Variants in LARS2 observed in about 807,000 individuals in gnomAD.
LARS2 encodes the protein leucyl-tRNA synthetase 2, mitochondrial.
LARS2 carries 81 observed loss-of-function variants against 116.6 expected under a neutral mutation model. That is an observed-to-expected ratio of 0.69 (90% CI 0.58 to 0.84). The LOEUF (loss-of-function observed/expected upper bound fraction) is 0.84. LARS2 is among the 40% of genes least tolerant of loss of function. The pLI, the probability that LARS2 is intolerant of heterozygous loss-of-function variation, is 0.00. For synonymous variants in LARS2, 396 were observed against 407.2 expected, an observed-to-expected ratio of 0.97 and a Z score of 0.33; for missense variants, 968 against 1,114.5, an observed-to-expected ratio of 0.87 and a Z score of 1.87.
chr3:45,403,955 A>T (rs1698195072), intron 4 of LARS2, among the ~76,000 whole-genome samples: 2 of 152,250 alleles, frequency 1.3e-5, no homozygotes, highest in African/African-American at 4.8e-5. Context: ...TGAGGATTAG[A>T]TGAGATAGTG....
intron 19 of LARS2, among the ~76,000 whole-genome samples, chr3:45,521,141 A>G (rs1575310930): frequency 6.6e-6 from 1 of 152,108 alleles, no homozygotes; most frequent in South Asian, 2.1e-4. Flanking sequence ...CATCTCTACT[A>G]AAAAATACAA....
rs753658244 is a variant in LARS2, at chr3:45,400,312, A to G, written c.302A>G (p.His101Arg). 5.0e-5 allele frequency: 80 copies of G among 1,613,936 alleles called. No individual in the cohort carries two copies. The highest frequency in any genetic ancestry group is 6.6e-5 in the Non-Finnish European group (78 of 1,179,952). Residue 101 changes from histidine (H) to arginine (R), a missense_variant, in exon 4 of 22, where the codon CAT (histidine) becomes CGT (arginine). By Grantham distance (29) the His-to-Arg change is conservative. Coordinates refer to ENST00000645846, the MANE Select transcript of LARS2 (RefSeq NM_015340.4). ...PYPSGKLHMG[H>R]VRVYTISDTI... is the part of the protein sequence containing the mutation. ...CCTTCTGGTAAGCTGCACATGGGCC[A>G]TGTGCGTGTCTACACCATCAGCGAC... is the stretch of plus-strand genomic sequence containing the variant.
intron 4 of LARS2, among the ~76,000 whole-genome samples, chr3:45,410,773 C>T (rs756482873): frequency 1.3e-5 from 2 of 152,234 alleles, no homozygotes; most frequent in Non-Finnish European, 2.9e-5. Context: ...TTCCGCCTTA[C>T]TCTGTACAAG....
At chr3:45,462,680 C>G (rs948100367) in intron 8 of LARS2, among the ~76,000 whole-genome samples, 1 of 152,124 alleles carries the variant, frequency 6.6e-6, no homozygotes, top group African/African-American at 2.4e-5. Context: ...AAGCTGTGCC[C>G]GCACAGTTAT....
At chr3:45,527,027 A>G (rs1190560676) in intron 20 of LARS2, among the ~76,000 whole-genome samples, 1 of 152,188 alleles carries the variant, frequency 6.6e-6, no homozygotes, top group East Asian at 1.9e-4. Context: ...TCTCAGATGC[A>G]TGCACTGTTT....
rs781314802 is a variant in LARS2 at position 45,509,181 on chromosome 3, C to T, written c.1761-3954C>T. Among the ~76,000 whole-genome samples the T allele has an allele frequency of 1.1e-4, 16 of 152,012 alleles. 1 individual carries two copies. The highest frequency in any genetic ancestry group is 1.9e-4 in the Non-Finnish European group (13 of 67,958). Reference sequence around the variant, plus strand: ...CCTAATACTCCCGCGTTTGATGGTCCCTGAGTCAGAACGGTTTGTTAGTGG... The same window carrying T: ...CCTAATACTCCCGCGTTTGATGGTCTCTGAGTCAGAACGGTTTGTTAGTGG... On this transcript the variant is annotated intron_variant, in intron 15 of 21. Transcript: ENST00000645846.
intron 8 of LARS2, among the ~76,000 whole-genome samples, chr3:45,465,506 G>T (rs1234805870): frequency 6.6e-6 from 1 of 152,196 alleles, no homozygotes; most frequent in Non-Finnish European, 1.5e-5. Context: ...CTTGAGGCTG[G>T]CTTTTCCCTG....
intron 7 of LARS2, among the ~76,000 whole-genome samples, chr3:45,449,130 G>C (rs1699070004): frequency 1.3e-5 from 2 of 151,840 alleles, no homozygotes; most frequent in African/African-American, 4.8e-5. Flanking sequence ...GTGTGAGGGA[G>C]GGAGCAAGGG....
chr3:45,394,558 A>C lies in LARS2; in HGVS notation c.105A>C (p.Gly35=). The C allele has an allele frequency of 6.2e-7, 1 of 1,614,006 alleles. No individual in the cohort carries two copies. Among genetic ancestry groups the C allele is most frequent in the Non-Finnish European group, 8.5e-7 (1 of 1,179,838 alleles). The change falls in exon 3 of 22, where the codon GGA becomes GGC. Residue 35 remains glycine (G), a synonymous_variant. Coordinates refer to ENST00000645846, the MANE Select transcript of LARS2 (RefSeq NM_015340.4). ...VIKWERRVIP[G]CTRSIYSATG... ...AGTGGGAAAGGAGAGTAATTCCCGG[A>C]TGTACCAGAAGCATCTACAGTGCCA...
chr3:45,436,565 C>T lies in LARS2; in HGVS notation c.517-10326C>T, dbSNP rs1233015521. Among the ~76,000 whole-genome samples, 20 of 151,756 alleles carry T rather than the reference C, an allele frequency of 1.3e-4. No homozygotes were observed. In the East Asian group the frequency reaches 3.5e-3, roughly 27 times the overall value. On this transcript the variant is annotated intron_variant, in intron 6 of 21. Transcript: ENST00000645846. ...ATCCCAGCACTTTGGGAGGCCGAGG[C>T]GGGTGGATCATGAGGTCAGGAGATC... is the stretch of plus-strand genomic sequence containing the variant.
intron 8 of LARS2, among the ~76,000 whole-genome samples, chr3:45,468,032 G>A (rs1229540940): frequency 6.6e-6 from 1 of 151,986 alleles, no homozygotes; most frequent in Non-Finnish European, 1.5e-5. Context: ...CCAGGAGGTC[G>A]AGGCTGCAGT....
chr3:45,536,067 AGAGGAAGGAAGG>A (rs1443367080), intron 20 of LARS2, among the ~76,000 whole-genome samples: 1 of 152,140 alleles, frequency 6.6e-6, no homozygotes, highest in Non-Finnish European at 1.5e-5. Context: ...ATAGACTATG[AGAGGAAGGAAGG>A]GAGGAAGGAA....
At chr3:45,519,712 A>C (rs1458069240) in intron 18 of LARS2, 1 of 154,544 alleles carries the variant, frequency 6.5e-6, no homozygotes, top group African/African-American at 2.4e-5. Context: ...CAATGGCGCA[A>C]TCTCAGCTCA....
intron 15 of LARS2, among the ~76,000 whole-genome samples, chr3:45,503,758 G>A (rs1292972520): frequency 6.6e-6 from 1 of 151,724 alleles, no homozygotes; most frequent in Non-Finnish European, 1.5e-5. Flanking sequence ...GAGAAGGAAA[G>A]GGGGGAAATA....
chr3:45,499,123 C>T (rs749368767), intron 14 of LARS2, among the ~76,000 whole-genome samples: 3 of 151,938 alleles, frequency 2.0e-5, no homozygotes, highest in South Asian at 2.1e-4. Flanking sequence ...AGCAAGACCT[C>T]GTCTCCATAA....
rs1215273787 is a variant in LARS2, at chr3:45,388,628, C to T, written c.-140C>T. On this transcript the variant is annotated 5_prime_UTR_variant, in exon 1 of 22. Transcript: ENST00000645846. ...TGGTCCGTGGCCCGGCAGTGCTCGC[C>T]TAAAGGTGGAGAACGAGGAGTAGAG... 1.3e-5 allele frequency: 2 copies of T among 152,288 alleles called. No individual in the cohort carries two copies. The highest frequency in any genetic ancestry group is 2.4e-5 in the African/African-American group (1 of 41,464). 9.4% of individuals were successfully genotyped at this position (152,288 alleles called of 1,614,324 possible).
chr3:45,430,003 C>CTT (rs66989698), intron 6 of LARS2, among the ~76,000 whole-genome samples: 24,663 of 56,310 alleles, frequency 0.44, 10,853 homozygotes, highest in Non-Finnish European at 0.55. Flanking sequence ...TGCCCAGCCT[C>CTT]TTTTTTTTTT....
intron 3 of LARS2, among the ~76,000 whole-genome samples, chr3:45,398,278 C>G (rs151042848): frequency 6.6e-6 from 1 of 152,158 alleles, no homozygotes; most frequent in Admixed American, 6.5e-5. Context: ...AAGAAGTTTA[C>G]GAACTCCTTG....
Position 45,518,113 on chromosome 3 carries a change from A to G in LARS2, c.2214+41A>G, listed in dbSNP as rs759573204. ...ATTCCAGGGGTTAACTCTGTAACCA[A>G]GCACTCTTTGGGAACCTTTGCCTGT... On this transcript the variant is annotated intron_variant, in intron 18 of 21. Transcript: ENST00000645846. The G allele has an allele frequency of 7.1e-6, 11 of 1,539,444 alleles. No individual in the cohort carries two copies. The Admixed American group carries it at 2.0e-4, about 28-fold the overall frequency.
Sources: allele counts gnomAD v4.1 joint callset (sites outside exome capture counted in the v4.1 genomes callset), GRCh38; gene constraint gnomAD v4.1.1; transcripts MANE v1.5; gene names NCBI Gene and HGNC (gene_info 2026-07-23, HGNC 2026-07-21).